The following ADAM28 variants were observed in gnomAD, a reference collection of about 807,000 sequenced individuals.
ADAM28 encodes the protein ADAM metallopeptidase domain 28, also known as disintegrin and metalloproteinase domain-containing protein 28.
A neutral mutation model predicts 101.2 loss-of-function variants in ADAM28; 105 were observed. The ratio of observed to expected loss-of-function variants is 1.04; its 90% CI spans 0.89 to 1.22. The LOEUF (loss-of-function observed/expected upper bound fraction) is 1.22. ADAM28 is among the 50% of genes most tolerant of loss of function. The pLI is 0.00. For missense variants in ADAM28, 1,028 were observed against 945.4 expected (o/e 1.09, Z -1.15); for synonymous variants, 322 against 310.6 (o/e 1.04, Z -0.39).
chr8:24,318,415 T>C (rs13252229), intron 6 of ADAM28, among the ~76,000 whole-genome samples: 1 of 152,032 alleles, frequency 6.6e-6, no homozygotes, highest in Non-Finnish European at 1.5e-5. Context: ...TCTTTATCTA[T>C]ACATTCTTCC....
intron 2 of ADAM28, among the ~76,000 whole-genome samples, chr8:24,304,231 A>G (rs914317912): frequency 1.3e-5 from 2 of 149,120 alleles, no homozygotes; most frequent in Non-Finnish European, 3.0e-5. Context: ...ATACTAGATG[A>G]ACAATATTAA....
chr8:24,354,599 C>A lies in ADAM28; in HGVS notation c.*195C>A. The A allele has an allele frequency of 2.2e-6, 1 of 462,744 alleles. No homozygotes were observed. Among genetic ancestry groups the A allele is most frequent in the Non-Finnish European group, 3.8e-6 (1 of 263,982 alleles). The allele number at this position is 462,744 out of a possible 1,614,324, so 28.7% of individuals were successfully genotyped here. Reference sequence around the variant, plus strand: ...AGGAACATATGCCTGAGAACCTTTGCATGAATTTAAAATTTCAATTATCCA... The same window carrying A: ...AGGAACATATGCCTGAGAACCTTTGAATGAATTTAAAATTTCAATTATCCA... On this transcript the variant is annotated 3_prime_UTR_variant, in exon 23 of 23. Coordinates refer to ENST00000265769, the MANE Select transcript of ADAM28 (RefSeq NM_014265.6).
At chr8:24,333,710 G>A (rs559217046) in intron 13 of ADAM28, among the ~76,000 whole-genome samples, 293 of 152,142 alleles carry the variant, frequency 1.9e-3, no homozygotes, top group South Asian at 4.4e-3. Flanking sequence ...TGAGTAGTGT[G>A]GGGGTATCCC....
At chr8:24,306,363 A>AAAAAAT (rs1809647224) in intron 2 of ADAM28, among the ~76,000 whole-genome samples, 1 of 108,502 alleles carries the variant, frequency 9.2e-6, no homozygotes, top group African/African-American at 3.8e-5. Context: ...TAAATAAATA[A>AAAAAAT]ATATATATAT....
chr8:24,310,343 C>A (rs2129264440), intron 4 of ADAM28, 102 bp downstream of exon 4: 13 of 996,642 alleles, frequency 1.3e-5, no homozygotes, highest in South Asian at 3.3e-5. Context: ...GCATTTGTAA[C>A]ATTAGTGCTT....
chr8:24,305,798 T>A (rs986595494), intron 2 of ADAM28, among the ~76,000 whole-genome samples: 1 of 152,158 alleles, frequency 6.6e-6, no homozygotes, highest in Non-Finnish European at 1.5e-5. Context: ...TTATGAGGCC[T>A]GATGAATATA....
intron 4 of ADAM28, among the ~76,000 whole-genome samples, chr8:24,310,877 C>T (rs1032715645): frequency 1.3e-5 from 2 of 152,118 alleles, no homozygotes; most frequent in Admixed American, 6.6e-5. Context: ...GCATTTTGCT[C>T]CAAATGGAGG....
intron 2 of ADAM28, among the ~76,000 whole-genome samples, chr8:24,306,363 A>T (rs12675485): frequency 0.054 from 5,709 of 105,122 alleles, 297 homozygotes; most frequent in African/African-American, 0.11. Context: ...TAAATAAATA[A>T]ATATATATAT....
rs1400092147 is a variant in ADAM28, at chr8:24,323,959, T to A, written c.846T>A (p.Ser282Arg). Residue 282 changes from serine (S) to arginine (R), a missense_variant, in exon 9 of 23, where the codon AGT becomes AGA. Ser to Arg is a moderately radical substitution (Grantham distance 110, BLOSUM62 -1). Coordinates refer to ENST00000265769, the MANE Select transcript of ADAM28 (RefSeq NM_014265.6). ...TLENFSKWRGSVLSRRKRHDI... is the reference protein window; with the variant it reads ...TLENFSKWRGRVLSRRKRHDI... ...AGAATTTTTCTAAATGGAGGGGGAG[T>A]GTTCTCTCAAGAAGAAAGCGTCATG... The A allele has an allele frequency of 5.0e-6, 8 of 1,611,662 alleles. No individual in the cohort carries two copies. The highest frequency in any genetic ancestry group is 5.9e-6 in the Non-Finnish European group (7 of 1,178,680).
At chr8:24,300,668 G>A (rs1351834087) in intron 2 of ADAM28, among the ~76,000 whole-genome samples, 6 of 152,102 alleles carry the variant, frequency 3.9e-5, no homozygotes, top group South Asian at 2.1e-4. Context: ...CGCCCGCCTC[G>A]GCCTCCCAAA....
intron 6 of ADAM28, among the ~76,000 whole-genome samples, chr8:24,315,523 C>A (rs762343413): frequency 7.9e-5 from 12 of 151,868 alleles, no homozygotes; most frequent in Non-Finnish European, 1.5e-4. Context: ...AATTAAAAAT[C>A]TTTCAACAAA....
intron 14 of ADAM28, 99 bp downstream of exon 14, chr8:24,335,740 C>G: frequency 2.3e-6 from 3 of 1,299,146 alleles, no homozygotes; most frequent in South Asian, 6.0e-5. Context: ...TCCTATCCTT[C>G]TTAGAAGCTT....
Position 24,354,421 on chromosome 8 carries a change from G to A in ADAM28, c.*17G>A, listed in dbSNP as rs898439721. 3.1e-6 allele frequency: 5 copies of A among 1,602,544 alleles called. No homozygotes were observed. The African/African-American group carries it at 4.0e-5, about 13-fold the overall frequency. The stretch of plus-strand genomic sequence containing the variant: ...AAAGCATGAAGCAACAGCTAAGCAA[G>A]AACTAATGGCTAAATTATCAACTTG... On this transcript the variant is annotated 3_prime_UTR_variant, in exon 23 of 23. Coordinates refer to ENST00000265769, the MANE Select transcript of ADAM28 (RefSeq NM_014265.6).
Position 24,300,059 on chromosome 8 carries a change from C to T in ADAM28, c.132C>T (p.Ala44=), listed in dbSNP as rs368066169. ...TTCATCCACTGCATAAAAGAGAGGCCAAAGAGCCAGAGCAACAGGTACAGC... is the reference window on the plus strand; with the variant it reads ...TTCATCCACTGCATAAAAGAGAGGCTAAAGAGCCAGAGCAACAGGTACAGC... ...IRLHPLHKRE[A]KEPEQQEQFE... The change falls in exon 2 of 23, where the codon GCC becomes GCT. Residue 44 remains alanine (A), a synonymous_variant. Transcript: ENST00000265769. The T allele has an allele frequency of 6.2e-7, 1 of 1,613,294 alleles. No individual in the cohort carries two copies. Among genetic ancestry groups the T allele is most frequent in the South Asian group, 1.1e-5 (1 of 90,994 alleles).
At chr8:24,351,867 CT>C (rs1392305297) in intron 20 of ADAM28, 119 bp from the exon 21 acceptor site, 5 of 838,918 alleles carry the variant, frequency 6.0e-6, no homozygotes, top group Non-Finnish European at 9.6e-6. Context: ...TCTATCTGGT[CT>C]CTTGGTGTCA....
In ADAM28 at chr8:24,349,870, C is replaced by T; in HGVS notation, c.1997C>T (p.Ser666Phe). The T allele has an allele frequency of 1.9e-6, 3 of 1,613,590 alleles. No individual in the cohort carries two copies. The highest frequency in any genetic ancestry group is 2.5e-6 in the Non-Finnish European group (3 of 1,179,694). ...CCCCTGTTCTCTGCTGCAGACTTCT[C>T]CATTGTGGTTGGGGTGCTGTTCCCA... ...CDDSSVVFHF[S>F]IVVGVLFPMA... The change falls in exon 19 of 23, where the codon TCC (serine) becomes TTC (phenylalanine). Residue 666 changes from serine (S) to phenylalanine (F), a missense_variant. Transcript: ENST00000265769.
At chr8:24,315,025 G>A (rs1459274692) in intron 6 of ADAM28, among the ~76,000 whole-genome samples, 1 of 150,978 alleles carries the variant, frequency 6.6e-6, no homozygotes, top group African/African-American at 2.4e-5. Flanking sequence ...AACAAGGGAG[G>A]AAGAAATGAA....
intron 1 of ADAM28, among the ~76,000 whole-genome samples, chr8:24,298,747 T>C (rs977650679): frequency 6.6e-6 from 1 of 152,180 alleles, no homozygotes; most frequent in African/African-American, 2.4e-5. Flanking sequence ...GCTACTGCAG[T>C]CTACATTTTG....
chr8:24,354,239 A>G lies in ADAM28; in HGVS notation c.2308-145A>G, dbSNP rs951173347. The G allele has an allele frequency of 1.2e-5, 8 of 684,134 alleles. No homozygotes were observed. In the African/African-American group the frequency reaches 1.3e-4, roughly 11 times the overall value. 42.4% of individuals were successfully genotyped at this position (684,134 alleles called of 1,614,324 possible). A position where few individuals can be genotyped will look rare whatever the true frequency, so the allele number is the denominator to read the frequency against. Reference sequence around the variant, plus strand: ...TCCCTTCCTATCCTCTCACATTTCTACTTCTTCGTTTTTGCTGTATCAAGT... The same window carrying G: ...TCCCTTCCTATCCTCTCACATTTCTGCTTCTTCGTTTTTGCTGTATCAAGT... On this transcript the variant is annotated intron_variant, in intron 22 of 22. Transcript: ENST00000265769.
Sources: gnomAD v4.1 joint callset for allele counts (sites outside exome capture counted in the v4.1 genomes callset) on GRCh38, gnomAD v4.1.1 for gene constraint, MANE v1.5 for transcripts, NCBI Gene and HGNC (gene_info 2026-07-23, HGNC 2026-07-21) for gene names.